The following AFAP1 variants were observed in gnomAD, a reference collection of about 807,000 sequenced individuals.
AFAP1 encodes actin filament associated protein 1.
In AFAP1, 75 loss-of-function variants were observed where a neutral mutation model predicts 93.9. The observed-to-expected ratio is 0.80, with a 90% CI of 0.66 to 0.97. The LOEUF is 0.97. AFAP1 is among the 50% of genes least tolerant of loss of function. The probability of loss-of-function intolerance (pLI) is 0.00; values close to 1 mark genes in which losing one functional copy is unlikely to be tolerated. For synonymous variants in AFAP1, 517 were observed against 430.7 expected (o/e 1.20, Z -2.48); for missense variants, 1,201 against 1,050.8 (o/e 1.14, Z -1.98).
At chr4:7,892,080 A>C (rs1718504057) in intron 1 of AFAP1, among the ~76,000 whole-genome samples, 1 of 152,190 alleles carries the variant, frequency 6.6e-6, no homozygotes, top group African/African-American at 2.4e-5. Flanking sequence ...AGAAAAAAGC[A>C]AACTATGTTC....
At chr4:7,860,566 T>A (rs570878468) in intron 3 of AFAP1, among the ~76,000 whole-genome samples, 2 of 152,134 alleles carry the variant, frequency 1.3e-5, no homozygotes, top group South Asian at 2.1e-4. Flanking sequence ...AGCCTCTCAA[T>A]TGTGATTTCA....
At position 7,842,938 on chromosome 4, in the gene AFAP1, T is replaced by C. The variant is rs28668280; in HGVS notation, c.546+201A>G. On this transcript the variant is annotated intron_variant, in intron 5 of 17. Transcript: ENST00000420658. ...TTTTGGAGCTGGGAAACCGGCAACC[T>C]TGAACACACAACACGGGCGAGTGCT... 1,764 of 582,080 alleles carry C rather than the reference T, an allele frequency of 3.0e-3. 22 individuals are homozygous for C. Among genetic ancestry groups the C allele is most frequent in the African/African-American group, 0.029 (1,531 of 53,642 alleles). 36.1% of individuals were successfully genotyped at this position (582,080 alleles called of 1,614,324 possible). A position where few individuals can be genotyped will look rare whatever the true frequency, so the allele number is the denominator to read the frequency against.
At chr4:7,869,758 C>A (rs34121576) in intron 2 of AFAP1, among the ~76,000 whole-genome samples, 16,675 of 152,182 alleles carry the variant, frequency 0.11, 1,131 homozygotes, top group Non-Finnish European at 0.16. Context: ...TGAAAAGCCC[C>A]AGTGCCTGAC....
At chr4:7,863,512 C>T (rs373199861) in intron 3 of AFAP1, among the ~76,000 whole-genome samples, 4 of 152,162 alleles carry the variant, frequency 2.6e-5, no homozygotes, top group African/African-American at 7.2e-5. Context: ...TTAGCCTATC[C>T]GAGTCTCCCC....
chr4:7,806,107 T>C (rs1106248), intron 9 of AFAP1, among the ~76,000 whole-genome samples: 68,370 of 152,044 alleles, frequency 0.45, 16,182 homozygotes, highest in Admixed American at 0.55. Context: ...AAATAAGAGA[T>C]AAATTTTGGT....
At chr4:7,880,279 T>C (rs866308805) in intron 1 of AFAP1, among the ~76,000 whole-genome samples, 17 of 23,950 alleles carry the variant, frequency 7.1e-4, no homozygotes, top group Non-Finnish European at 8.9e-4. Flanking sequence ...CCCAAATGCC[T>C]TTTTTTTTTT....
chr4:7,803,022 C>G (rs747872264), intron 9 of AFAP1, among the ~76,000 whole-genome samples: 1 of 152,214 alleles, frequency 6.6e-6, no homozygotes, highest in Non-Finnish European at 1.5e-5. Context: ...GCGCTGGGAA[C>G]CACGTGCTCG....
At chr4:7,869,138 TAAAAGA>T (rs1180364723) in intron 2 of AFAP1, among the ~76,000 whole-genome samples, 1 of 55,598 alleles carries the variant, frequency 1.8e-5, no homozygotes, top group Non-Finnish European at 3.9e-5. Context: ...GAAAAAAGAA[TAAAAGA>T]GAAAGGGAAA....
intron 1 of AFAP1, among the ~76,000 whole-genome samples, chr4:7,931,395 T>C (rs1721058159): frequency 6.6e-6 from 1 of 152,090 alleles, no homozygotes; most frequent in South Asian, 2.1e-4. Flanking sequence ...TATGGTTTTT[T>C]GTTTTTGTTT....
chr4:7,893,091 G>GC (rs1718563333), intron 1 of AFAP1, among the ~76,000 whole-genome samples: 2 of 119,372 alleles, frequency 1.7e-5, no homozygotes, highest in African/African-American at 2.7e-5. Flanking sequence ...CCCCGGTGCC[G>GC]GGGGGGCAGA....
In AFAP1 at chr4:7,763,801, A is replaced by C. The variant is rs753273085; in HGVS notation, c.2419-10T>G. ...TCTTCAATTCCCATTCCTAGAGGAA[A>C]GGAGAGTCTTGTAAGTGGACAGGGC... On this transcript the variant is annotated splice_polypyrimidine_tract_variant and intron_variant, in intron 17 of 17. Coordinates refer to ENST00000420658, the MANE Select transcript of AFAP1 (RefSeq NM_001134647.2). The C allele has an allele frequency of 5.8e-6, 9 of 1,551,610 alleles. No homozygotes were observed. The South Asian group carries it at 1.1e-4, about 18-fold the overall frequency.
At chr4:7,775,041 T>A in intron 14 of AFAP1, 138 bp from the exon 15 acceptor site, 2 of 1,044,158 alleles carry the variant, frequency 1.9e-6, no homozygotes, top group Non-Finnish European at 1.4e-6. Context: ...CTCAGGAAGC[T>A]GAGGTGGGAG....
At chr4:7,842,704 T>A (rs896189571) in intron 5 of AFAP1, 42 of 153,464 alleles carry the variant, frequency 2.7e-4, no homozygotes, top group African/African-American at 5.6e-4. Flanking sequence ...AAAAAAAAAA[T>A]GGGAATTGGC....
At chr4:7,910,309 C>T (rs1719656073) in intron 1 of AFAP1, among the ~76,000 whole-genome samples, 1 of 152,064 alleles carries the variant, frequency 6.6e-6, no homozygotes, top group Non-Finnish European at 1.5e-5. Flanking sequence ...CCAGTCCTAG[C>T]CCTGCTACCA....
chr4:7,858,764 C>T (rs948496626), intron 3 of AFAP1, among the ~76,000 whole-genome samples: 6 of 152,150 alleles, frequency 3.9e-5, no homozygotes. Flanking sequence ...GTGCCCATTC[C>T]CTCACCTAAA....
chr4:7,868,470 C>T, intron 3 of AFAP1, 152 bp downstream of exon 3: 1 of 613,076 alleles, frequency 1.6e-6, no homozygotes, highest in South Asian at 2.3e-5. Flanking sequence ...TCACTCACAG[C>T]TTCTCAGCCC....
At chr4:7,919,953 T>C (rs1165522476) in intron 1 of AFAP1, among the ~76,000 whole-genome samples, 11 of 152,224 alleles carry the variant, frequency 7.2e-5, no homozygotes, top group Non-Finnish European at 1.3e-4. Flanking sequence ...GCTCCATCCA[T>C]GTCCCTGCAA....
Position 7,838,603 on chromosome 4 carries a change from T to A in AFAP1, c.647A>T (p.Glu216Val). ...IPKDSKKKKH[E>V]LKITQQGTDP... ...CGTGCCCTGCTGAGTAATCTTCAGC[T>A]CGTGCTTCTTCTTTTTGCTGTCTTT... The change falls in exon 6 of 18, where the codon GAG becomes GTG. Residue 216 changes from glutamate to valine, a missense_variant. Glu to Val is a moderately radical substitution (Grantham distance 121). Coordinates refer to ENST00000420658, the MANE Select transcript of AFAP1 (RefSeq NM_001134647.2). 1 of 1,614,222 alleles carries A rather than the reference T, an allele frequency of 6.2e-7. No homozygotes were observed. The highest frequency in any genetic ancestry group is 8.5e-7 in the Non-Finnish European group (1 of 1,180,050).
Position 7,800,520 on chromosome 4 carries a change from C to T in AFAP1, c.1188G>A (p.Glu396=), listed in dbSNP as rs1301217627. Residue 396 remains glutamate, a synonymous_variant, in exon 10 of 18, where the codon GAG becomes GAA. Coordinates refer to ENST00000420658, the MANE Select transcript of AFAP1 (RefSeq NM_001134647.2). ...HIVSIPLRGC[E]VIPGLDSKHP... ...GTTTAGAATCCAAACCCGGGATCAC[C>T]TCGCAGCCACGGAGCGGAATAGACA... 1.2e-6 allele frequency: 2 copies of T among 1,614,138 alleles called. No individual in the cohort carries two copies. The highest frequency in any genetic ancestry group is 1.7e-6 in the Non-Finnish European group (2 of 1,180,058).
Sources: allele counts gnomAD v4.1 joint callset (sites outside exome capture counted in the v4.1 genomes callset), GRCh38; gene constraint gnomAD v4.1.1; transcripts MANE v1.5; gene names NCBI Gene and HGNC (gene_info 2026-07-23, HGNC 2026-07-21).